CHSY3: variants seen among roughly 807,000 people sequenced by gnomAD.
CHSY3 encodes chondroitin sulfate synthase 3.
In CHSY3, 35 loss-of-function variants were observed where a neutral mutation model predicts 67.2. The observed-to-expected ratio is 0.52, with a 90% CI of 0.40 to 0.69. The LOEUF is 0.69. Among genes scored for constraint, CHSY3 ranks in the 30% least tolerant of loss-of-function variants. CHSY3 has a pLI of 0.00. For synonymous variants in CHSY3, 474 were observed against 434.7 expected (o/e 1.09, Z -1.12); for missense variants, 1,069 against 1,138.5 (o/e 0.94, Z 0.88).
At chr5:129,921,547 A>G (rs929707090) in intron 2 of CHSY3, among the ~76,000 whole-genome samples, 16 of 152,338 alleles carry the variant, frequency 1.1e-4, no homozygotes, top group Admixed American at 7.2e-4. Context: ...GAGTACAGGT[A>G]ACTGAAACCC....
intron 2 of CHSY3, among the ~76,000 whole-genome samples, chr5:130,053,705 T>C (rs897111059): frequency 7.2e-5 from 11 of 152,040 alleles, no homozygotes; most frequent in African/African-American, 2.7e-4. Context: ...AGAACAAATA[T>C]GGCCAGAAAA....
chr5:129,936,952 G>C (rs972741175), intron 2 of CHSY3, among the ~76,000 whole-genome samples: 2 of 151,936 alleles, frequency 1.3e-5, no homozygotes, highest in Non-Finnish European at 2.9e-5. Context: ...TCCTTCAAGG[G>C]GTATCTTAAA....
chr5:130,089,722 AT>A (rs1481039363), intron 2 of CHSY3, among the ~76,000 whole-genome samples: 1 of 152,008 alleles, frequency 6.6e-6, no homozygotes, highest in Non-Finnish European at 1.5e-5. Context: ...AGAAAACTGG[AT>A]TTCTCTTATT....
intron 2 of CHSY3, among the ~76,000 whole-genome samples, chr5:130,133,036 A>G (rs533444362): frequency 2.4e-4 from 37 of 152,316 alleles, no homozygotes; most frequent in Middle Eastern, 3.4e-3. Flanking sequence ...CTATTATACT[A>G]TAGGGGCATA....
chr5:130,164,108 C>T (rs867844960), intron 2 of CHSY3, among the ~76,000 whole-genome samples: 3 of 152,158 alleles, frequency 2.0e-5, no homozygotes, highest in South Asian at 2.1e-4. Context: ...GGCTCCAGAG[C>T]CCTGTTAATA....
chr5:129,905,504 G>A lies in CHSY3; in HGVS notation c.675G>A (p.Ala225=), dbSNP rs1406336196. ...CCCCGCCACCCCTGCCTGTCATCGC[G>A]CTACCGGGTGTGGACGACTCCTATC... The part of the protein sequence containing the change: ...GQPPPPLPVI[A]LPGVDDSYPP... The change falls in exon 1 of 3, where the codon GCG becomes GCA. Residue 225 remains alanine (A), a synonymous_variant. Transcript: ENST00000305031. The A allele has an allele frequency of 1.2e-6, 2 of 1,613,168 alleles. No individual in the cohort carries two copies. The highest frequency in any genetic ancestry group is 4.5e-5 in the East Asian group (2 of 44,852).
At chr5:130,128,379 G>A in intron 2 of CHSY3, among the ~76,000 whole-genome samples, 1 of 151,930 alleles carries the variant, frequency 6.6e-6, no homozygotes, top group Non-Finnish European at 1.5e-5. Context: ...GTGCTAACAT[G>A]GATGGACTTG....
chr5:129,941,956 A>T (rs1461646780), intron 2 of CHSY3, among the ~76,000 whole-genome samples: 1 of 152,210 alleles, frequency 6.6e-6, no homozygotes, highest in Non-Finnish European at 1.5e-5. Context: ...GTGGTTTATT[A>T]TAAAGGACAC....
chr5:129,985,518 TG>T (rs1361160695), intron 2 of CHSY3, among the ~76,000 whole-genome samples: 1 of 152,168 alleles, frequency 6.6e-6, no homozygotes, highest in African/African-American at 2.4e-5. Context: ...CTTTTTTTTT[TG>T]GTTCCAAATG....
At position 129,904,754 on chromosome 5, in the gene CHSY3, G is replaced by C; in HGVS notation, c.-76G>C. On this transcript the variant is annotated 5_prime_UTR_variant, in exon 1 of 3. Transcript: ENST00000305031. ...CGGCTGGGGGCGCAAAGGCGGAGGA[G>C]GGGCGGGTGTGAGCCGGGGAAACCG... 1.6e-6 allele frequency: 2 copies of C among 1,248,692 alleles called. No individual in the cohort carries two copies. Among genetic ancestry groups the C allele is most frequent in the Non-Finnish European group, 2.0e-6 (2 of 998,480 alleles). The allele number at this position is 1,248,692 out of a possible 1,614,324, so 77.4% of individuals were successfully genotyped here. A position where few individuals can be genotyped will look rare whatever the true frequency, so the allele number is the denominator to read the frequency against.
intron 2 of CHSY3, among the ~76,000 whole-genome samples, chr5:129,909,623 CTACAACTACCCTT>C (rs1760461422): frequency 6.6e-6 from 1 of 151,840 alleles, no homozygotes; most frequent in Non-Finnish European, 1.5e-5. Context: ...AAAAACTATC[CTACAACTACCCTT>C]TAGGATAAAA....
chr5:129,935,370 G>A (rs1376999605), intron 2 of CHSY3, among the ~76,000 whole-genome samples: 2 of 152,046 alleles, frequency 1.3e-5, no homozygotes, highest in Non-Finnish European at 2.9e-5. Context: ...AATTAGAGTC[G>A]CTACAGGGCC....
intron 2 of CHSY3, among the ~76,000 whole-genome samples, chr5:129,998,208 A>G (rs994354257): frequency 6.6e-6 from 1 of 151,340 alleles, no homozygotes; most frequent in South Asian, 2.1e-4. Context: ...GCCTATATGT[A>G]TGTGTATAGT....
At chr5:130,085,270 G>A (rs1766577086) in intron 2 of CHSY3, among the ~76,000 whole-genome samples, 2 of 151,988 alleles carry the variant, frequency 1.3e-5, no homozygotes, top group African/African-American at 4.8e-5. Context: ...ATTGGAAAAT[G>A]TAATACACAT....
At chr5:129,991,862 G>A (rs188022363) in intron 2 of CHSY3, among the ~76,000 whole-genome samples, 28 of 152,164 alleles carry the variant, frequency 1.8e-4, no homozygotes, top group Admixed American at 1.3e-4. Context: ...AATTAATGAC[G>A]TCCCCAAAAG....
intron 2 of CHSY3, among the ~76,000 whole-genome samples, chr5:130,147,307 G>A (rs534297166): frequency 4.6e-5 from 7 of 152,244 alleles, no homozygotes; most frequent in African/African-American, 1.7e-4. Context: ...TAAAGCATAC[G>A]TGAGTTGTGA....
intron 2 of CHSY3, among the ~76,000 whole-genome samples, chr5:129,954,227 TA>T (rs1454697247): frequency 6.6e-6 from 1 of 152,226 alleles, no homozygotes; most frequent in East Asian, 1.9e-4. Flanking sequence ...CACCAGTGAT[TA>T]AATTGGGAAT....
At chr5:130,040,272 T>C (rs1764971336) in intron 2 of CHSY3, among the ~76,000 whole-genome samples, 1 of 152,110 alleles carries the variant, frequency 6.6e-6, no homozygotes, top group Non-Finnish European at 1.5e-5. Context: ...AACTATCTTG[T>C]ATTTAGAGTA....
At chr5:129,998,638 A>AT (rs1192012885) in intron 2 of CHSY3, among the ~76,000 whole-genome samples, 4 of 152,020 alleles carry the variant, frequency 2.6e-5, no homozygotes, top group African/African-American at 7.2e-5. Context: ...AATCTTTTTG[A>AT]TTTTGTCAAT....
Sources: allele counts gnomAD v4.1 joint callset (sites outside exome capture counted in the v4.1 genomes callset), GRCh38; gene constraint gnomAD v4.1.1; transcripts MANE v1.5; gene names NCBI Gene and HGNC (gene_info 2026-07-23, HGNC 2026-07-21).